APP: variants seen among roughly 807,000 people sequenced by gnomAD.
The protein encoded by APP is amyloid beta precursor protein.
APP carries 31 observed loss-of-function variants against 101.4 expected under a neutral mutation model. The observed-to-expected ratio is 0.31, with a 90% confidence interval of 0.23 to 0.41. APP has a LOEUF of 0.41. Ranked by LOEUF, APP falls within the 10% of genes least tolerant of loss-of-function variation. The pLI is 1.00. For synonymous variants in APP, 366 were observed against 364.4 expected (o/e 1.00, Z -0.05); for missense variants, 839 against 1,003.7 (o/e 0.84, Z 2.22).
intron 13 of APP, among the ~76,000 whole-genome samples, chr21:25,916,044 T>G (rs2039332687): frequency 6.6e-6 from 1 of 152,068 alleles, no homozygotes; most frequent in Admixed American, 6.5e-5. Flanking sequence ...CACAGAAAAT[T>G]TAGAAATAAC....
chr21:25,946,449 T>G (rs2040824852), intron 13 of APP, among the ~76,000 whole-genome samples: 1 of 152,194 alleles, frequency 6.6e-6, no homozygotes, highest in African/African-American at 2.4e-5. Context: ...GCAGGTTGCC[T>G]GAGCTCAGGA....
At chr21:26,016,009 T>C (rs1240601418) in intron 6 of APP, among the ~76,000 whole-genome samples, 1 of 152,034 alleles carries the variant, frequency 6.6e-6, no homozygotes, top group Non-Finnish European at 1.5e-5. Flanking sequence ...TCATTACTCT[T>C]ATTTGTGGAC....
chr21:26,118,093 T>C (rs539268709), intron 1 of APP, among the ~76,000 whole-genome samples: 23 of 152,330 alleles, frequency 1.5e-4, no homozygotes, highest in Middle Eastern at 3.4e-3. Flanking sequence ...AGGATAGATG[T>C]TCTCAAGTTG....
rs537417600 is a variant in APP at position 25,988,702 on chromosome 21, C to CAAAAAAAAAAAAAAAAAAA, written c.1091-6244_1091-6226dup. ...GGGTGATAACAGCGAAACTCTGTCT[C>CAAAAAAAAAAAAAAAAAAA]AAAAAAAAAAAAAAAAAAAAAGGAG... On this transcript the variant is annotated intron_variant, in intron 8 of 17. Transcript: ENST00000346798. 7.2e-4 allele frequency among the ~76,000 whole-genome samples: 45 copies of CAAAAAAAAAAAAAAAAAAA among 62,360 alleles called. 2 individuals are homozygous for CAAAAAAAAAAAAAAAAAAA. The highest frequency in any genetic ancestry group is 2.6e-3 in the African/African-American group (40 of 15,588). 40.9% of individuals were successfully genotyped at this position (62,360 alleles called of 152,430 possible).
At chr21:25,906,657 T>C (rs1258196773) in intron 14 of APP, among the ~76,000 whole-genome samples, 1 of 152,232 alleles carries the variant, frequency 6.6e-6, no homozygotes, top group Non-Finnish European at 1.5e-5. Context: ...GTTTGGTTTT[T>C]CTATACTTCA....
At chr21:25,958,966 T>A (rs1369740348) in intron 11 of APP, among the ~76,000 whole-genome samples, 1 of 61,356 alleles carries the variant, frequency 1.6e-5, no homozygotes, top group Admixed American at 2.2e-4. Flanking sequence ...TGTGGTTACA[T>A]AGGCTACATC....
intron 7 of APP, among the ~76,000 whole-genome samples, chr21:25,998,925 T>A (rs1284443157): frequency 6.6e-6 from 1 of 152,242 alleles, no homozygotes; most frequent in Non-Finnish European, 1.5e-5. Flanking sequence ...ATCATGCACT[T>A]AAGTCATCAT....
rs202198372 is a variant in APP, at chr21:25,940,656, T to C, written c.1687+13934A>G. Among the ~76,000 whole-genome samples, 5 of 152,358 alleles carry C rather than the reference T, an allele frequency of 3.3e-5. No homozygotes were observed. In the East Asian group the frequency reaches 9.6e-4, roughly 29 times the overall value. ...TCCAATGCATCAATTCCTTTGGGTTTTCACCTTAAACATTTTTGTGGCATA... is the reference window on the plus strand; with the variant it reads ...TCCAATGCATCAATTCCTTTGGGTTCTCACCTTAAACATTTTTGTGGCATA... On this transcript the variant is annotated intron_variant, in intron 13 of 17. Transcript: ENST00000346798.
At chr21:26,122,908 C>T (rs756194125) in intron 1 of APP, among the ~76,000 whole-genome samples, 2 of 152,144 alleles carry the variant, frequency 1.3e-5, no homozygotes, top group Non-Finnish European at 2.9e-5. Flanking sequence ...TTGACATTTA[C>T]TTTTGTTCTT....
Position 26,136,207 on chromosome 21 carries a change from A to AAAGAAAGAAAGAAAGAAAGG in APP, c.58-24062_58-24061insCCTTTCTTTCTTTCTTTCTT, listed in dbSNP as rs1273283293. Among the ~76,000 whole-genome samples the AAAGAAAGAAAGAAAGAAAGG allele has an allele frequency of 2.2e-5, 3 of 137,528 alleles. No individual in the cohort carries two copies. In the South Asian group the frequency reaches 6.9e-4, roughly 32 times the overall value. The allele number at this position is 137,528 out of a possible 152,430, so 90.2% of individuals were successfully genotyped here. On this transcript the variant is annotated intron_variant, in intron 1 of 17. Coordinates refer to ENST00000346798, the MANE Select transcript of APP (RefSeq NM_000484.4). ...AAAGAAAGAAAGAAAGAAAGAAAAGAAAAGAAAGAAAAGAAATAGTTTTGT... is the reference window on the plus strand; with the variant it reads ...AAAGAAAGAAAGAAAGAAAGAAAAGAAAGAAAGAAAGAAAGAAAGGAAAGAAAGAAAAGAAATAGTTTTGT...
intron 13 of APP, among the ~76,000 whole-genome samples, chr21:25,935,839 CAAA>C (rs67114400): frequency 1.3e-5 from 1 of 77,050 alleles, no homozygotes; most frequent in East Asian, 4.1e-4. Context: ...GACTCTGTCT[CAAA>C]AAAAAAAAAA....
intron 3 of APP, among the ~76,000 whole-genome samples, chr21:26,059,364 G>A (rs1239980812): frequency 6.6e-6 from 1 of 152,264 alleles, no homozygotes; most frequent in East Asian, 1.9e-4. Flanking sequence ...TCTCTCAAGA[G>A]GTAAAGATGA....
chr21:25,957,317 T>C (rs1349107672), intron 11 of APP, among the ~76,000 whole-genome samples: 2 of 152,200 alleles, frequency 1.3e-5, no homozygotes, highest in African/African-American at 4.8e-5. Flanking sequence ...TGATAAGCTA[T>C]ATCTCTATAT....
At chr21:25,970,802 A>ACG (rs2042003305) in intron 11 of APP, among the ~76,000 whole-genome samples, 3 of 152,108 alleles carry the variant, frequency 2.0e-5, no homozygotes, top group Admixed American at 2.0e-4. Flanking sequence ...AACAGGGTAA[A>ACG]TAGTATCTTA....
chr21:26,106,569 T>C (rs1014115119), intron 2 of APP, among the ~76,000 whole-genome samples: 5 of 152,106 alleles, frequency 3.3e-5, no homozygotes, highest in East Asian at 1.9e-4. Context: ...TACTGTAACC[T>C]TGTACTCTTG....
At position 26,061,647 on chromosome 21, in the gene APP, G is replaced by C. The variant is rs148590759; in HGVS notation, c.356-8299C>G. On this transcript the variant is annotated intron_variant, in intron 3 of 17. Transcript: ENST00000346798. The stretch of plus-strand genomic sequence containing the variant: ...TACTGGGTTCTCAAAGAGGACATGA[G>C]GGTGAATTACACATCCTTTTAAAAA... 3.1e-3 allele frequency among the ~76,000 whole-genome samples: 470 copies of C among 152,306 alleles called. 5 individuals are homozygous for C. The highest frequency in any genetic ancestry group is 0.011 in the African/African-American group (446 of 41,562).
At chr21:25,939,999 A>G (rs1364516183) in intron 13 of APP, among the ~76,000 whole-genome samples, 1 of 152,114 alleles carries the variant, frequency 6.6e-6, no homozygotes, top group Non-Finnish European at 1.5e-5. Context: ...TGGAAGAAGA[A>G]AGCGGAGAAT....
chr21:25,893,264 C>T (rs760107703), intron 16 of APP, among the ~76,000 whole-genome samples: 1 of 152,140 alleles, frequency 6.6e-6, no homozygotes, highest in Non-Finnish European at 1.5e-5. Flanking sequence ...GGCTCCCTAT[C>T]CCTTGAGAGA....
intron 14 of APP, among the ~76,000 whole-genome samples, chr21:25,908,607 A>T (rs2038907778): frequency 6.6e-6 from 1 of 151,308 alleles, no homozygotes; most frequent in African/African-American, 2.4e-5. Flanking sequence ...TATATTCATT[A>T]TTTTAAGGAT....
Sources: gnomAD v4.1 joint callset for allele counts (sites outside exome capture counted in the v4.1 genomes callset) on GRCh38, gnomAD v4.1.1 for gene constraint, MANE v1.5 for transcripts, NCBI Gene and HGNC (gene_info 2026-07-23, HGNC 2026-07-21) for gene names.